The following ASIP variants were observed in gnomAD, a reference collection of about 807,000 sequenced individuals.
The protein encoded by ASIP is agouti-signaling protein.
A neutral mutation model predicts 10.3 loss-of-function variants in ASIP; 11 were observed. The observed-to-expected ratio is 1.07, with a 90% CI of 0.68 to 1.78. The LOEUF (loss-of-function observed/expected upper bound fraction) is 1.78, where lower values mean the gene tolerates loss of function less well. Ranked by LOEUF, ASIP falls within the 40% of genes most tolerant of loss-of-function variation. The pLI, the probability that ASIP is intolerant of heterozygous loss-of-function variation, is 0.00. For missense variants in ASIP, 180 were observed against 169.2 expected, an observed-to-expected ratio of 1.06 and a Z score of -0.35; for synonymous variants, 70 against 70.8, an observed-to-expected ratio of 0.99 and a Z score of 0.06.
intron 1 of ASIP, among the ~76,000 whole-genome samples, chr20:34,223,826 G>T (rs1252395138): frequency 1.7e-5 from 2 of 120,638 alleles, no homozygotes; most frequent in Admixed American, 1.6e-4. Flanking sequence ...TGCCGTGTCT[G>T]TGTAGAAAGA....
chr20:34,212,065 G>C (rs2034978602), intron 1 of ASIP, among the ~76,000 whole-genome samples: 1 of 151,716 alleles, frequency 6.6e-6, no homozygotes, highest in African/African-American at 2.4e-5. Context: ...ATTCTTTTCT[G>C]TATTTTTCAT....
rs1601574630 is a variant in ASIP, at chr20:34,215,128, A to G, written c.-11+20368A>G. 3.2e-6 allele frequency: 5 copies of G among 1,582,538 alleles called. No individual in the cohort carries two copies. In the South Asian group the frequency reaches 5.5e-5, roughly 17 times the overall value. On this transcript the variant is annotated intron_variant, in intron 1 of 3. Coordinates refer to the ASIP transcript ENST00000568305. ...TAGTTTCATTTTATCAACAGGGTCC[A>G]TTCCTTTATTTACAACTTCAAATAA...
At chr20:34,262,751 G>T (rs531493221) in intron 2 of ASIP, 81 bp from the exon 3 acceptor site, 2 of 1,512,220 alleles carry the variant, frequency 1.3e-6, no homozygotes, top group African/African-American at 2.8e-5. Flanking sequence ...GACTTCCCAA[G>T]CCCCCTCTGC....
intron 1 of ASIP, among the ~76,000 whole-genome samples, chr20:34,235,869 GGAA>G (rs2035188089): frequency 1.2e-4 from 4 of 32,328 alleles, no homozygotes; most frequent in South Asian, 1.8e-3. Context: ...AGGAAGGAAA[GGAA>G]GGAAGGAAGG....
chr20:34,209,228 G>T (rs2034957023), intron 1 of ASIP, among the ~76,000 whole-genome samples: 1 of 152,164 alleles, frequency 6.6e-6, no homozygotes, highest in African/African-American at 2.4e-5. Context: ...GGCAACAAGT[G>T]GGAGCCCTAC....
At chr20:34,235,828 A>AAGGAAG (rs2035178828) in intron 1 of ASIP, among the ~76,000 whole-genome samples, 2 of 67,154 alleles carry the variant, frequency 3.0e-5, no homozygotes, top group African/African-American at 3.0e-4. Flanking sequence ...AAAGAAAGAA[A>AAGGAAG]GAAAGAAAGA....
chr20:34,241,655 A>G (rs2035285525), intron 1 of ASIP, among the ~76,000 whole-genome samples, 166 bp downstream of exon 1: 1 of 152,230 alleles, frequency 6.6e-6, no homozygotes, highest in Non-Finnish European at 1.5e-5. Flanking sequence ...GTGTGAAGAA[A>G]GCAGTTGATC....
At position 34,260,152 on chromosome 20, in the gene ASIP, T is replaced by C. The variant is rs573756686; in HGVS notation, c.-10-213T>C. Reference sequence around the variant, plus strand: ...CTTTGCTCCAATCTCCTTCTGTTCCTTGTCTTTCTCTCTTCCTCTTCCCAT... The same window carrying C: ...CTTTGCTCCAATCTCCTTCTGTTCCCTGTCTTTCTCTCTTCCTCTTCCCAT... On this transcript the variant is annotated intron_variant, in intron 1 of 3. Transcript: ENST00000374954. Among the ~76,000 whole-genome samples the C allele has an allele frequency of 1.3e-5, 2 of 152,114 alleles. 1 individual carries two copies. Among genetic ancestry groups the C allele is most frequent in the South Asian group, 4.2e-4 (2 of 4,800 alleles).
Position 34,245,221 on chromosome 20 carries a change from C to T in ASIP, c.-11+3732C>T, listed in dbSNP as rs1374459422. ...TGGTGGCAGGCGCCTGTAATCCCAGCTACTCAGGAGACTGAGGCAGGAGAA... is the reference window on the plus strand; with the variant it reads ...TGGTGGCAGGCGCCTGTAATCCCAGTTACTCAGGAGACTGAGGCAGGAGAA... On this transcript the variant is annotated intron_variant, in intron 1 of 3. Transcript: ENST00000374954. 2.0e-5 allele frequency among the ~76,000 whole-genome samples: 3 copies of T among 150,416 alleles called. No homozygotes were observed. The East Asian group carries it at 6.1e-4, about 30-fold the overall frequency.
upstream of ASIP, among the ~76,000 whole-genome samples, chr20:34,237,838 G>A (rs2035230448): frequency 1.3e-5 from 2 of 152,048 alleles, no homozygotes; most frequent in Admixed American, 1.3e-4. Context: ...TTCCTAGTTT[G>A]TGGAGTGTTT....
chr20:34,233,655 G>A (rs2035141645), intron 1 of ASIP, among the ~76,000 whole-genome samples: 2 of 152,262 alleles, frequency 1.3e-5, no homozygotes, highest in South Asian at 2.1e-4. Flanking sequence ...TGAAGATAAT[G>A]AATTGGCTAC....
chr20:34,265,313 A>G (rs1367062054), intron 3 of ASIP, among the ~76,000 whole-genome samples: 2 of 151,986 alleles, frequency 1.3e-5, no homozygotes, highest in African/African-American at 4.8e-5. Flanking sequence ...ACTTGAGTCC[A>G]GGAATTCAAG....
rs1303744959 is a variant in ASIP, at chr20:34,223,779, C to G, written c.-11+29019C>G. ...ATGGCGGCTTTGTGGAATAGAAAGG[C>G]GGGAAAGGTGGGGAAAAGATTGAGA... On this transcript the variant is annotated intron_variant, in intron 1 of 3. Coordinates refer to the ASIP transcript ENST00000568305. 1.2e-3 allele frequency among the ~76,000 whole-genome samples: 153 copies of G among 131,732 alleles called. 2 individuals are homozygous for G. In the East Asian group the frequency reaches 0.032, roughly 27 times the overall value. The allele number at this position is 131,732 out of a possible 152,430, so 86.4% of individuals were successfully genotyped here.
Position 34,269,339 on chromosome 20 carries a change from G to A in ASIP, c.*172G>A. 1 of 813,754 alleles carries A rather than the reference G, an allele frequency of 1.2e-6. No homozygotes were observed. The highest frequency in any genetic ancestry group is 1.8e-6 in the Non-Finnish European group (1 of 561,616). The allele number at this position is 813,754 out of a possible 1,614,324, so 50.4% of individuals were successfully genotyped here. ...TAAAATCGAAATACAATATATATAG[G>A]CTGCTCGAAGGTGTGCGGCTGTTTC... On this transcript the variant is annotated 3_prime_UTR_variant, in exon 4 of 4. Transcript: ENST00000374954.
the ASIP span, among the ~76,000 whole-genome samples, chr20:34,188,190 T>G: frequency 6.6e-6 from 1 of 152,230 alleles, no homozygotes; most frequent in Admixed American, 6.5e-5. Context: ...AAAACGAAAT[T>G]ATACGCAAGA....
intron 1 of ASIP, among the ~76,000 whole-genome samples, chr20:34,204,482 G>A (rs534055683): frequency 1.3e-5 from 2 of 152,302 alleles, no homozygotes; most frequent in African/African-American, 2.4e-5. Context: ...GCCTCCCAAA[G>A]TGCTGGGATT....
intron 1 of ASIP, among the ~76,000 whole-genome samples, chr20:34,198,438 A>T (rs996605750): frequency 1.3e-5 from 2 of 151,722 alleles, no homozygotes; most frequent in South Asian, 2.1e-4. Flanking sequence ...GGGCTCCTAA[A>T]TGGCCTGGAT....
intron 1 of ASIP, among the ~76,000 whole-genome samples, chr20:34,205,071 A>ATT (rs2034925683): frequency 6.6e-6 from 1 of 152,212 alleles, no homozygotes; most frequent in South Asian, 2.1e-4. Flanking sequence ...TGTGCCTGGA[A>ATT]TTGGTGGGTT....
upstream of ASIP, among the ~76,000 whole-genome samples, chr20:34,238,247 C>A (rs2035236882): frequency 6.6e-6 from 1 of 151,990 alleles, no homozygotes; most frequent in African/African-American, 2.4e-5. Context: ...TTTTTTCTCT[C>A]TTCTCCTTCT....
Sources: allele counts gnomAD v4.1 joint callset (sites outside exome capture counted in the v4.1 genomes callset), GRCh38; gene constraint gnomAD v4.1.1; transcripts MANE v1.5; gene names NCBI Gene and HGNC (gene_info 2026-07-23, HGNC 2026-07-21).